LHFPL3: variants seen among roughly 807,000 people sequenced by gnomAD.
LHFPL3 encodes the protein LHFPL tetraspan subfamily member 3.
Under a neutral mutation model 19.3 loss-of-function variants are expected in LHFPL3, and 5 were observed. The observed-to-expected ratio is 0.26, with a 90% CI of 0.14 to 0.54. The LOEUF is 0.54. Ranked by LOEUF, LHFPL3 falls within the 20% of genes least tolerant of loss-of-function variation. The pLI, the probability that LHFPL3 is intolerant of heterozygous loss-of-function variation, is 0.94. For missense variants in LHFPL3, 249 were observed against 307.4 expected (o/e 0.81, Z 1.42); for synonymous variants, 133 against 126.2 (o/e 1.05, Z -0.36).
Position 104,462,586 on chromosome 7 carries a change from G to A in LHFPL3, c.445+133362G>A, listed in dbSNP as rs1322452729. Among the ~76,000 whole-genome samples, 5 of 152,304 alleles carry A rather than the reference G, an allele frequency of 3.3e-5. No homozygotes were observed. The East Asian group carries it at 5.8e-4, about 18-fold the overall frequency. ...ACCAACCTTGTATCCCGGGAATGAA[G>A]CCTATTTGATCATGGTGGATTAGCT... is the stretch of plus-strand genomic sequence containing the variant. On this transcript the variant is annotated intron_variant, in intron 1 of 2. Transcript: ENST00000424859.
intron 1 of LHFPL3, among the ~76,000 whole-genome samples, chr7:104,649,757 G>A (rs1036695838): frequency 6.6e-5 from 10 of 152,230 alleles, no homozygotes; most frequent in Admixed American, 5.9e-4. Context: ...AGCAGCAGGA[G>A]TAGGGAAGTA....
chr7:104,509,114 C>A (rs993909862), intron 1 of LHFPL3, among the ~76,000 whole-genome samples: 3 of 151,776 alleles, frequency 2.0e-5, no homozygotes, highest in Middle Eastern at 3.2e-3. Context: ...TTTAAAAACT[C>A]CCCTGTATAA....
chr7:104,463,024 A>G (rs1469312627), intron 1 of LHFPL3, among the ~76,000 whole-genome samples: 1 of 152,164 alleles, frequency 6.6e-6, no homozygotes, highest in Non-Finnish European at 1.5e-5. Flanking sequence ...GTTTATATGC[A>G]TAGAGGTATC....
chr7:104,374,622 C>G (rs777651058), intron 1 of LHFPL3, among the ~76,000 whole-genome samples: 11 of 152,136 alleles, frequency 7.2e-5, no homozygotes, highest in Non-Finnish European at 1.6e-4. Flanking sequence ...AATTAAGACA[C>G]AGCACCATAA....
intron 2 of LHFPL3, among the ~76,000 whole-genome samples, chr7:104,789,760 A>T (rs562757520): frequency 6.6e-6 from 1 of 152,288 alleles, no homozygotes; most frequent in East Asian, 1.9e-4. Context: ...TCCAGCACTG[A>T]TCATTAATAT....
At chr7:104,463,245 T>C (rs556582422) in intron 1 of LHFPL3, among the ~76,000 whole-genome samples, 2 of 152,306 alleles carry the variant, frequency 1.3e-5, no homozygotes, top group African/African-American at 4.8e-5. Context: ...TCAGTTCAGC[T>C]TTGAATTTGG....
intron 1 of LHFPL3, among the ~76,000 whole-genome samples, chr7:104,431,146 A>G (rs966737520): frequency 2.1e-5 from 3 of 146,332 alleles, no homozygotes; most frequent in Non-Finnish European, 4.4e-5. Context: ...ACAGCTTTCT[A>G]TATTTGCTGT....
intron 1 of LHFPL3, among the ~76,000 whole-genome samples, chr7:104,671,123 A>G (rs1156663365): frequency 1.3e-5 from 2 of 152,106 alleles, no homozygotes; most frequent in Non-Finnish European, 2.9e-5. Flanking sequence ...AGCAGTGGGC[A>G]TAATGAATAT....
At chr7:104,533,440 C>T (rs1794339485) in intron 1 of LHFPL3, among the ~76,000 whole-genome samples, 1 of 152,210 alleles carries the variant, frequency 6.6e-6, no homozygotes, top group South Asian at 2.1e-4. Flanking sequence ...CACCAGCAAT[C>T]TGCTAATGAC....
At chr7:104,850,200 G>A (rs1791391150) in intron 2 of LHFPL3, among the ~76,000 whole-genome samples, 1 of 152,190 alleles carries the variant, frequency 6.6e-6, no homozygotes, top group Non-Finnish European at 1.5e-5. Context: ...TACTCAGGAG[G>A]CTGAGGCAGG....
chr7:104,516,426 A>G (rs1793922708), intron 1 of LHFPL3, among the ~76,000 whole-genome samples: 2 of 152,258 alleles, frequency 1.3e-5, no homozygotes, highest in Middle Eastern at 3.4e-3. Context: ...ATTTTTTAAG[A>G]TCTTCTAAAG....
intron 2 of LHFPL3, among the ~76,000 whole-genome samples, chr7:104,843,554 C>T (rs181725162): frequency 5.4e-4 from 83 of 152,312 alleles, no homozygotes; most frequent in African/African-American, 2.0e-3. Context: ...GTTTCTGACA[C>T]CCAACTTCAT....
chr7:104,480,908 T>A (rs911848422), intron 1 of LHFPL3, among the ~76,000 whole-genome samples: 3 of 152,144 alleles, frequency 2.0e-5, no homozygotes, highest in Non-Finnish European at 4.4e-5. Context: ...TAGCGAACAG[T>A]GAGACTTACC....
intron 1 of LHFPL3, among the ~76,000 whole-genome samples, chr7:104,361,152 A>G (rs1270048230): frequency 6.6e-6 from 1 of 152,274 alleles, no homozygotes; most frequent in East Asian, 1.9e-4. Context: ...TTGAGACTGG[A>G]TGGCCCACTA....
chr7:104,891,139 G>A (rs1050186083), intron 2 of LHFPL3, among the ~76,000 whole-genome samples: 1 of 150,814 alleles, frequency 6.6e-6, no homozygotes, highest in Non-Finnish European at 1.5e-5. Context: ...GTTTTGAATG[G>A]TTTCTTACTC....
chr7:104,395,760 C>T (rs571003345), intron 1 of LHFPL3, among the ~76,000 whole-genome samples: 2 of 152,098 alleles, frequency 1.3e-5, no homozygotes, highest in Non-Finnish European at 1.5e-5. Flanking sequence ...TTCTAGGACA[C>T]CAGGTAATTT....
chr7:104,735,830 C>G (rs1392223151), intron 1 of LHFPL3, among the ~76,000 whole-genome samples: 1 of 152,196 alleles, frequency 6.6e-6, no homozygotes, highest in Non-Finnish European at 1.5e-5. Context: ...TGTTCCTATT[C>G]AGCCATTTTG....
At chr7:104,635,199 A>G (rs1224940296) in intron 1 of LHFPL3, among the ~76,000 whole-genome samples, 1 of 152,172 alleles carries the variant, frequency 6.6e-6, no homozygotes, top group Admixed American at 6.5e-5. Flanking sequence ...TAGAGTGTCA[A>G]TCCAGAATTC....
chr7:104,580,859 T>G (rs537007219), intron 1 of LHFPL3, among the ~76,000 whole-genome samples: 10 of 152,138 alleles, frequency 6.6e-5, no homozygotes, highest in Non-Finnish European at 1.2e-4. Context: ...TGTTGTTGCA[T>G]GTATCACAAT....
Sources: allele counts gnomAD v4.1 joint callset (sites outside exome capture counted in the v4.1 genomes callset), GRCh38; gene constraint gnomAD v4.1.1; transcripts MANE v1.5; gene names NCBI Gene and HGNC (gene_info 2026-07-23, HGNC 2026-07-21).